The following PCAT7 variants were observed in gnomAD, a reference collection of about 807,000 sequenced individuals.
The protein encoded by PCAT7 is prostate cancer associated transcript 7, also known as prostate cancer associated transcript 7 (non-protein coding).
At chr9:94,566,193 G>A (rs1827186846) in intron 2 of PCAT7, among the ~76,000 whole-genome samples, 1 of 152,180 alleles carries the variant, frequency 6.6e-6, no homozygotes, top group Non-Finnish European at 1.5e-5. Context: ...GCACTGTTGG[G>A]AACAGGCCCC....
At chr9:94,555,867 G>T (rs1415789927) in intron 1 of PCAT7, among the ~76,000 whole-genome samples, 1 of 151,434 alleles carries the variant, frequency 6.6e-6, no homozygotes, top group Non-Finnish European at 1.5e-5. Flanking sequence ...AAAGAAGTTT[G>T]GGGAAAAGAC....
At chr9:94,572,621 G>A (rs1472651597) in intron 2 of PCAT7, among the ~76,000 whole-genome samples, 1 of 152,026 alleles carries the variant, frequency 6.6e-6, no homozygotes. Flanking sequence ...CAACTTGGTG[G>A]CAAGTACCAA....
At chr9:94,568,928 A>G (rs1012946223) in intron 2 of PCAT7, 1 of 152,332 alleles carries the variant, frequency 6.6e-6, no homozygotes, top group South Asian at 2.1e-4. Flanking sequence ...CCCAAGTCCT[A>G]TAAGCCCATC....
At chr9:94,567,148 A>G in intron 2 of PCAT7, 1 of 952,506 alleles carries the variant, frequency 1.0e-6, no homozygotes, top group South Asian at 1.5e-5. Context: ...TCATCTTCAT[A>G]CTGACCACAG....
At chr9:94,567,319 T>G in intron 2 of PCAT7, 3 of 1,614,202 alleles carry the variant, frequency 1.9e-6, no homozygotes, top group Non-Finnish European at 2.5e-6. Context: ...CGCATCAAAA[T>G]ACTTGGCATA....
chr9:94,561,194 T>G (rs902840784), intron 2 of PCAT7, among the ~76,000 whole-genome samples: 1 of 152,054 alleles, frequency 6.6e-6, no homozygotes, highest in Non-Finnish European at 1.5e-5. Flanking sequence ...TCAACTACTT[T>G]AATCAAAAAA....
intron 2 of PCAT7, chr9:94,559,208 G>T (rs971557153): frequency 5.1e-6 from 7 of 1,366,554 alleles, no homozygotes; most frequent in Non-Finnish European, 7.1e-6. Flanking sequence ...AAAGCTGGGG[G>T]AGGAGTTTGT....
intron 2 of PCAT7, chr9:94,568,055 G>C (rs1045733868): frequency 2.0e-5 from 3 of 151,138 alleles, no homozygotes; most frequent in African/African-American, 4.9e-5. Flanking sequence ...GTGAACCCGG[G>C]AGGCAGAGCT....
At chr9:94,566,682 C>A (rs1251034519) in intron 2 of PCAT7, among the ~76,000 whole-genome samples, 1 of 152,160 alleles carries the variant, frequency 6.6e-6, no homozygotes, top group Non-Finnish European at 1.5e-5. Context: ...CCAAGCTGGT[C>A]TTGGCAGGGC....
chr9:94,559,845 A>G (rs1381080245), intron 2 of PCAT7, among the ~76,000 whole-genome samples: 2 of 152,162 alleles, frequency 1.3e-5, no homozygotes, highest in Admixed American at 1.3e-4. Flanking sequence ...TAGTGCCGAC[A>G]CAGAGAAAGT....
At chr9:94,560,554 C>T (rs1827081961) in intron 2 of PCAT7, among the ~76,000 whole-genome samples, 1 of 152,092 alleles carries the variant, frequency 6.6e-6, no homozygotes. Context: ...GTTCATTCTC[C>T]ATTATCACCT....
chr9:94,563,376 A>G, intron 2 of PCAT7: 3 of 1,614,150 alleles, frequency 1.9e-6, no homozygotes, highest in South Asian at 2.2e-5. Flanking sequence ...GGCTGGGTAC[A>G]GGAAGATTCC....
rs773350863 is a variant in PCAT7 at position 94,565,385 on chromosome 9, A to AAAAAAAAG, written n.441+6234_441+6235insAAAAAAGA. Among the ~76,000 whole-genome samples the AAAAAAAAG allele has an allele frequency of 1.3e-4, 18 of 134,916 alleles. 1 individual carries two copies. Among genetic ancestry groups the AAAAAAAAG allele is most frequent in the Non-Finnish European group, 1.4e-4 (9 of 64,268 alleles). 88.5% of individuals were successfully genotyped at this position (134,916 alleles called of 152,430 possible). On this transcript the variant is annotated intron_variant and non_coding_transcript_variant, in intron 2 of 8. Transcript: ENST00000647389. ...CTCCACCTCAAAAAAAAAAAAAAAA[A>AAAAAAAAG]AGATGTTCCCAGTGGGGTTTTTGAG...
chr9:94,558,745 A>T, intron 1 of PCAT7: 1 of 572,708 alleles, frequency 1.7e-6, no homozygotes, highest in Non-Finnish European at 3.1e-6. Context: ...TTTTATTTCT[A>T]GTCCTTCACA....
intron 1 of PCAT7, among the ~76,000 whole-genome samples, chr9:94,555,674 T>G (rs1826998122): frequency 6.7e-6 from 1 of 149,408 alleles, no homozygotes; most frequent in Non-Finnish European, 1.5e-5. Context: ...CAAAAGAAGA[T>G]AGCAAGTGGG....
chr9:94,562,201 C>T (rs999335039), intron 2 of PCAT7, among the ~76,000 whole-genome samples: 5 of 150,494 alleles, frequency 3.3e-5, no homozygotes, highest in African/African-American at 1.2e-4. Flanking sequence ...GTCCCAGCTA[C>T]TCTGAGGCTG....
intron 2 of PCAT7, chr9:94,570,342 C>T (rs1346439795): frequency 6.6e-6 from 1 of 152,196 alleles, no homozygotes; most frequent in Non-Finnish European, 1.5e-5. Context: ...GAGCATGACT[C>T]CTGACACCAG....
chr9:94,570,550 A>G (rs1827257433), intron 2 of PCAT7: 2 of 152,244 alleles, frequency 1.3e-5, no homozygotes, highest in Admixed American at 6.5e-5. Context: ...CTGTTATTCT[A>G]CAACAACTTT....
At chr9:94,554,876 T>C (rs1054584212), upstream of PCAT7, among the ~76,000 whole-genome samples, 1 of 152,090 alleles carries the variant, frequency 6.6e-6, no homozygotes, top group Admixed American at 6.5e-5. Context: ...CACCCACACA[T>C]AAGTGCCAGA....
Sources: gnomAD v4.1 joint callset for allele counts (sites outside exome capture counted in the v4.1 genomes callset) on GRCh38, gnomAD v4.1.1 for gene constraint, MANE v1.5 for transcripts, NCBI Gene and HGNC (gene_info 2026-07-23, HGNC 2026-07-21) for gene names.